Variants in EPB41L4A observed in about 807,000 individuals in gnomAD.
EPB41L4A encodes erythrocyte membrane protein band 4.1 like 4A, also known as band 4.1-like protein 4A.
EPB41L4A carries 100 observed loss-of-function variants against 108.6 expected under a neutral mutation model. The observed-to-expected ratio is 0.92, with a 90% CI of 0.78 to 1.09. The LOEUF (loss-of-function observed/expected upper bound fraction) is 1.09. EPB41L4A is among the 50% of genes least tolerant of loss of function. EPB41L4A has a pLI of 0.00. For synonymous variants in EPB41L4A, 319 were observed against 289.0 expected (o/e 1.10, Z -1.05); for missense variants, 1,030 against 842.7 (o/e 1.22, Z -2.75).
At chr5:112,361,281 G>A (rs924987948) in intron 1 of EPB41L4A, among the ~76,000 whole-genome samples, 5 of 152,188 alleles carry the variant, frequency 3.3e-5, no homozygotes, top group African/African-American at 4.8e-5. Context: ...GATTAAGGGC[G>A]GTGCAAGATG....
At chr5:112,311,433 A>T (rs1359003206) in intron 1 of EPB41L4A, among the ~76,000 whole-genome samples, 1 of 152,212 alleles carries the variant, frequency 6.6e-6, no homozygotes, top group East Asian at 1.9e-4. Flanking sequence ...GAATTTACTG[A>T]AAAGATACTG....
chr5:112,270,198 CA>C (rs1752161490), intron 4 of EPB41L4A, among the ~76,000 whole-genome samples: 1 of 152,144 alleles, frequency 6.6e-6, no homozygotes, highest in South Asian at 2.1e-4. Context: ...ATGCTTACAC[CA>C]AAGAATCCTG....
intron 1 of EPB41L4A, among the ~76,000 whole-genome samples, chr5:112,314,982 C>A (rs1294942726): frequency 6.6e-6 from 1 of 152,112 alleles, no homozygotes; most frequent in Admixed American, 6.5e-5. Context: ...TAATAATGGA[C>A]CTCCACTAAT....
At chr5:112,265,973 T>TA (rs1751824381) in intron 5 of EPB41L4A, among the ~76,000 whole-genome samples, 1 of 152,218 alleles carries the variant, frequency 6.6e-6, no homozygotes, top group South Asian at 2.1e-4. Context: ...AACAGATTGT[T>TA]AGACCCTCCA....
intron 12 of EPB41L4A, among the ~76,000 whole-genome samples, chr5:112,149,344 T>G (rs1342418070): frequency 6.6e-6 from 1 of 152,164 alleles, no homozygotes; most frequent in African/African-American, 2.4e-5. Context: ...TGGTGGCACG[T>G]GCCTGTATTC....
intron 17 of EPB41L4A, among the ~76,000 whole-genome samples, chr5:112,193,144 A>T (rs1423704242): frequency 6.6e-6 from 1 of 152,212 alleles, no homozygotes; most frequent in Admixed American, 6.5e-5. Flanking sequence ...TCCTAAAAAA[A>T]TGTCCACTCT....
chr5:112,342,716 T>C (rs924952015), intron 1 of EPB41L4A, among the ~76,000 whole-genome samples: 1 of 152,122 alleles, frequency 6.6e-6, no homozygotes, highest in East Asian at 1.9e-4. Flanking sequence ...GTGGACTTCA[T>C]AAGAGAGCAC....
At chr5:112,306,580 A>G (rs1238148410) in intron 2 of EPB41L4A, among the ~76,000 whole-genome samples, 1 of 152,162 alleles carries the variant, frequency 6.6e-6, no homozygotes, top group East Asian at 1.9e-4. Context: ...GGACATCTCT[A>G]TTTCAACAGC....
chr5:112,403,019 C>CAA (rs1002607462), intron 1 of EPB41L4A, among the ~76,000 whole-genome samples: 6 of 151,628 alleles, frequency 4.0e-5, no homozygotes, highest in African/African-American at 1.5e-4. Flanking sequence ...CACACACACA[C>CAA]AAAACCCTCA....
intron 1 of EPB41L4A, among the ~76,000 whole-genome samples, chr5:112,369,304 C>T (rs141723390): frequency 3.9e-5 from 6 of 152,338 alleles, no homozygotes; most frequent in Admixed American, 2.0e-4. Context: ...GTGTGGACCA[C>T]AGCAGTCTCC....
Position 112,148,169 on chromosome 5 carries a change from TATATA to T in EPB41L4A, n.995-2176_995-2172del, listed in dbSNP as rs1189802965. On this transcript the variant is annotated intron_variant and non_coding_transcript_variant, in intron 12 of 13. Transcript: ENST00000507810. The stretch of plus-strand genomic sequence containing the variant: ...TAATATAATAATATAATAGTATTAC[TATATA>T]ATATAATAATATAATAGTATTACTA... Among the ~76,000 whole-genome samples the T allele has an allele frequency of 3.7e-4, 55 of 147,784 alleles. No individual in the cohort carries two copies. In the South Asian group the frequency reaches 7.3e-3, roughly 20 times the overall value.
chr5:112,346,216 A>ATTTTTTTTTTTTTTTTTTTTTT lies in EPB41L4A; in HGVS notation c.100-38748_100-38727dup, dbSNP rs561328868. Among the ~76,000 whole-genome samples the ATTTTTTTTTTTTTTTTTTTTTT allele has an allele frequency of 2.2e-4, 15 of 67,342 alleles. 4 individuals are homozygous for ATTTTTTTTTTTTTTTTTTTTTT. Among genetic ancestry groups the ATTTTTTTTTTTTTTTTTTTTTT allele is most frequent in the Non-Finnish European group, 4.3e-4 (14 of 32,336 alleles). 44.2% of individuals were successfully genotyped at this position (67,342 alleles called of 152,430 possible). A position where few individuals can be genotyped will look rare whatever the true frequency, so the allele number is the denominator to read the frequency against. The stretch of plus-strand genomic sequence containing the variant: ...AATTCTTTAAAGTTAGGTACATTGC[A>ATTTTTTTTTTTTTTTTTTTTTT]TTTTTTTTTTTTTTTTTTTTTTTTT... On this transcript the variant is annotated intron_variant, in intron 1 of 22. Coordinates refer to ENST00000261486, the MANE Select transcript of EPB41L4A (RefSeq NM_022140.5).
chr5:112,291,124 GA>G (rs1452516960), intron 2 of EPB41L4A, among the ~76,000 whole-genome samples: 1 of 152,094 alleles, frequency 6.6e-6, no homozygotes, highest in Non-Finnish European at 1.5e-5. Context: ...TTCCCAAACT[GA>G]AAAACCAGCT....
At chr5:112,330,543 C>A (rs1756495534) in intron 1 of EPB41L4A, among the ~76,000 whole-genome samples, 1 of 151,924 alleles carries the variant, frequency 6.6e-6, no homozygotes. Context: ...AGCCATTGTT[C>A]CAAGTTATTA....
chr5:112,283,088 G>T (rs1004067186), intron 2 of EPB41L4A, among the ~76,000 whole-genome samples: 5 of 152,132 alleles, frequency 3.3e-5, no homozygotes, highest in Non-Finnish European at 5.9e-5. Flanking sequence ...TTCCTTGAGA[G>T]TGATTAAATT....
intron 1 of EPB41L4A, among the ~76,000 whole-genome samples, chr5:112,321,148 G>A (rs1178578969): frequency 6.6e-6 from 1 of 152,112 alleles, no homozygotes; most frequent in African/African-American, 2.4e-5. Flanking sequence ...TAAAAGCTTG[G>A]GATCACAGAG....
At chr5:112,330,768 A>G (rs901732604) in intron 1 of EPB41L4A, among the ~76,000 whole-genome samples, 4 of 151,994 alleles carry the variant, frequency 2.6e-5, no homozygotes, top group Admixed American at 6.6e-5. Flanking sequence ...AAAAAAAAAA[A>G]GGATTATACT....
intron 17 of EPB41L4A, among the ~76,000 whole-genome samples, chr5:112,187,961 T>C (rs374831705): frequency 2.0e-5 from 3 of 152,338 alleles, no homozygotes; most frequent in East Asian, 3.9e-4. Flanking sequence ...AAGTCTCAGG[T>C]TGTTCATATA....
intron 1 of EPB41L4A, among the ~76,000 whole-genome samples, chr5:112,401,732 G>C (rs1761764555): frequency 6.6e-6 from 1 of 152,134 alleles, no homozygotes; most frequent in Non-Finnish European, 1.5e-5. Context: ...GACCCAACTA[G>C]TGTCAATGAC....
Sources: allele counts gnomAD v4.1 joint callset (sites outside exome capture counted in the v4.1 genomes callset), GRCh38; gene constraint gnomAD v4.1.1; transcripts MANE v1.5; gene names NCBI Gene and HGNC (gene_info 2026-07-23, HGNC 2026-07-21).